Variants in RAB3GAP1 observed in about 807,000 individuals in gnomAD.
RAB3GAP1 encodes RAB3 GTPase activating protein catalytic subunit 1, also known as rab3 GTPase-activating protein catalytic subunit.
Under a neutral mutation model 130.7 loss-of-function variants are expected in RAB3GAP1, and 86 were observed. The observed-to-expected ratio is 0.66, with a 90% CI of 0.55 to 0.79. The LOEUF (loss-of-function observed/expected upper bound fraction) is 0.79. Among genes scored for constraint, RAB3GAP1 ranks in the 30% least tolerant of loss-of-function variants. The pLI, the probability that RAB3GAP1 is intolerant of heterozygous loss-of-function variation, is 0.00. For synonymous variants in RAB3GAP1, 367 were observed against 401.7 expected, an observed-to-expected ratio of 0.91 and a Z score of 1.03; for missense variants, 1,029 against 1,169.4, an observed-to-expected ratio of 0.88 and a Z score of 1.75.
At chr2:135,058,222 T>C in intron 3 of RAB3GAP1, 136 bp downstream of exon 3, 1 of 725,924 alleles carries the variant, frequency 1.4e-6, no homozygotes, top group Non-Finnish European at 2.4e-6. Flanking sequence ...CAAATAGCAT[T>C]TGGAAGAATT....
In RAB3GAP1 at chr2:135,124,227, G is replaced by T. The variant is rs761350027; in HGVS notation, c.811G>T (p.Ala271Ser). 1.9e-6 allele frequency: 3 copies of T among 1,614,096 alleles called. No individual in the cohort carries two copies. In the Admixed American group the frequency reaches 5.0e-5, roughly 27 times the overall value. The change falls in exon 9 of 24, where the codon GCC (alanine) becomes TCC (serine). Residue 271 changes from alanine (A) to serine (S), a missense_variant. Ala to Ser is a moderately conservative substitution (Grantham distance 99, BLOSUM62 1). Around this residue, in one of 3 missense-constraint regions of RAB3GAP1, gnomAD observed 510 missense variants for 532.1 expected, o/e 0.96. Transcript: ENST00000264158. ...GGAGTTTGGCAAGTTACCATTTGGT[G>T]CCTGCGAAGATCCTATTAGGTGAGA... ...GLEFGKLPFG[A>S]CEDPISELHL...
intron 8 of RAB3GAP1, among the ~76,000 whole-genome samples, chr2:135,123,928 C>G (rs1319456872): frequency 6.6e-6 from 1 of 152,038 alleles, no homozygotes; most frequent in Non-Finnish European, 1.5e-5. Flanking sequence ...ATTTAGAATA[C>G]CTGGCCTGAA....
intron 19 of RAB3GAP1, among the ~76,000 whole-genome samples, chr2:135,158,659 G>A (rs1248747615): frequency 6.6e-6 from 1 of 152,182 alleles, no homozygotes; most frequent in Non-Finnish European, 1.5e-5. Flanking sequence ...GGTTCACCAA[G>A]AATCATGAAT....
chr2:135,112,047 C>T (rs1482165308), intron 5 of RAB3GAP1, among the ~76,000 whole-genome samples: 6 of 152,214 alleles, frequency 3.9e-5, no homozygotes, highest in Non-Finnish European at 5.9e-5. Context: ...GCAGACCACA[C>T]GGAATGTGTT....
intron 3 of RAB3GAP1, among the ~76,000 whole-genome samples, chr2:135,067,965 C>T (rs1689367294): frequency 6.6e-6 from 1 of 152,086 alleles, no homozygotes; most frequent in Non-Finnish European, 1.5e-5. Context: ...GTCTTGAATT[C>T]CTGGGTTCAA....
chr2:135,129,978 C>A lies in RAB3GAP1; in HGVS notation c.974-17C>A. 7.3e-6 allele frequency: 11 copies of A among 1,513,148 alleles called. No homozygotes were observed. The highest frequency in any genetic ancestry group is 1.7e-5 in the Admixed American group (1 of 58,250). 93.7% of individuals were successfully genotyped at this position (1,513,148 alleles called of 1,614,324 possible). ...TTTTTCAGTTAAGTGTCAAAAATAA[C>A]TTTTTTTCCTACATAGGTGATTTTG... On this transcript the variant is annotated splice_polypyrimidine_tract_variant and intron_variant, in intron 11 of 23. Coordinates refer to ENST00000264158, the MANE Select transcript of RAB3GAP1 (RefSeq NM_012233.3).
At chr2:135,150,944 A>T (rs1321853448) in intron 18 of RAB3GAP1, among the ~76,000 whole-genome samples, 1 of 152,072 alleles carries the variant, frequency 6.6e-6, no homozygotes, top group Non-Finnish European at 1.5e-5. Flanking sequence ...TTGTGGGAGG[A>T]GATATGTAAG....
intron 3 of RAB3GAP1, among the ~76,000 whole-genome samples, chr2:135,087,581 A>C (rs1690022471): frequency 6.6e-6 from 1 of 152,036 alleles, no homozygotes; most frequent in Non-Finnish European, 1.5e-5. Flanking sequence ...TTTTAGGTAG[A>C]GTTTTTGCTC....
At chr2:135,060,076 G>A (rs1689123926) in intron 3 of RAB3GAP1, among the ~76,000 whole-genome samples, 1 of 151,974 alleles carries the variant, frequency 6.6e-6, no homozygotes, top group South Asian at 2.1e-4. Flanking sequence ...CATATATGAA[G>A]TAAACAGAAT....
chr2:135,079,615 G>T (rs1689729422), intron 3 of RAB3GAP1, among the ~76,000 whole-genome samples: 1 of 152,130 alleles, frequency 6.6e-6, no homozygotes, highest in African/African-American at 2.4e-5. Context: ...ATCCTCGTCT[G>T]TTCTTTCTTA....
chr2:135,061,442 G>T lies in RAB3GAP1; in HGVS notation c.150+3356G>T, dbSNP rs1689168864. Among the ~76,000 whole-genome samples, 3 of 152,112 alleles carry T rather than the reference G, an allele frequency of 2.0e-5. No homozygotes were observed. In the South Asian group the frequency reaches 6.2e-4, roughly 31 times the overall value. On this transcript the variant is annotated intron_variant, in intron 3 of 23. Transcript: ENST00000264158. ...CATTCTCACCAACAATCAGTTGTTT[G>T]CAGTCATGTATATTTTAGTCATCTT... is the stretch of plus-strand genomic sequence containing the variant.
Position 135,120,860 on chromosome 2 carries a change from T to G in RAB3GAP1, c.690T>G (p.Ile230Met). 6.2e-7 allele frequency: 1 copy of G among 1,613,476 alleles called. No individual in the cohort carries two copies. The highest frequency in any genetic ancestry group is 8.5e-7 in the Non-Finnish European group (1 of 1,179,422). Residue 230 changes from isoleucine to methionine, a missense_variant, in exon 8 of 24, where the codon ATT (isoleucine) becomes ATG (methionine). Physicochemically the swap from Ile to Met is conservative, Grantham distance 10 (BLOSUM62 1). Transcript: ENST00000264158. ...LTPLPPVSIA[I>M]RFTYVLQDWQ... is the part of the protein sequence containing the mutation. ...CATTGCCTCCAGTTAGTATTGCTAT[T>G]CGATTTACCTATGTACTTCAAGATT...
intron 23 of RAB3GAP1, chr2:135,167,744 C>T: frequency 6.9e-7 from 1 of 1,452,100 alleles, no homozygotes; most frequent in Non-Finnish European, 9.3e-7. Context: ...CCTCATAGTT[C>T]CTTGTTCCTT....
intron 17 of RAB3GAP1, among the ~76,000 whole-genome samples, chr2:135,139,482 A>C (rs905650606): frequency 1.3e-5 from 2 of 152,062 alleles, no homozygotes; most frequent in African/African-American, 2.4e-5. Context: ...CAGAGGTTGC[A>C]GTGAACTATG....
At chr2:135,085,014 A>G (rs1689933650) in intron 3 of RAB3GAP1, among the ~76,000 whole-genome samples, 1 of 152,228 alleles carries the variant, frequency 6.6e-6, no homozygotes, top group Non-Finnish European at 1.5e-5. Context: ...GGAATAGCCT[A>G]TGCACAGGTG....
chr2:135,168,794 T>A lies in RAB3GAP1; in HGVS notation c.*13T>A. On this transcript the variant is annotated 3_prime_UTR_variant, in exon 24 of 24. Coordinates refer to ENST00000264158, the MANE Select transcript of RAB3GAP1 (RefSeq NM_012233.3). Reference sequence around the variant, plus strand: ...TTCCTTCTTCTGATTCTTCTAGCATTACTCGTTGGTGGCTTCAGAGACAGT... The same window carrying A: ...TTCCTTCTTCTGATTCTTCTAGCATAACTCGTTGGTGGCTTCAGAGACAGT... 6.2e-7 allele frequency: 1 copy of A among 1,604,790 alleles called. No homozygotes were observed. The highest frequency in any genetic ancestry group is 8.5e-7 in the Non-Finnish European group (1 of 1,171,486).
intron 17 of RAB3GAP1, among the ~76,000 whole-genome samples, chr2:135,141,973 G>A (rs958438363): frequency 7.2e-5 from 11 of 152,126 alleles, no homozygotes; most frequent in Non-Finnish European, 1.6e-4. Context: ...ATCTGGTAGT[G>A]TAAATCTTCT....
At chr2:135,053,174 G>T (rs1332068912) in intron 2 of RAB3GAP1, among the ~76,000 whole-genome samples, 2 of 152,132 alleles carry the variant, frequency 1.3e-5, no homozygotes, top group African/African-American at 4.8e-5. Context: ...TAAAGATCTC[G>T]CTGTGTTGCC....
intron 2 of RAB3GAP1, among the ~76,000 whole-genome samples, chr2:135,053,157 A>C (rs1214179486): frequency 6.6e-6 from 1 of 152,066 alleles, no homozygotes; most frequent in Non-Finnish European, 1.5e-5. Context: ...ACGCCCAACT[A>C]ATTTTTTAAA....
Sources: allele counts gnomAD v4.1 joint callset (sites outside exome capture counted in the v4.1 genomes callset), GRCh38; gene constraint gnomAD v4.1.1; regional missense constraint gnomAD v4.1.1; transcripts MANE v1.5; gene names NCBI Gene and HGNC (gene_info 2026-07-23, HGNC 2026-07-21).